The following SGCD variants were observed in gnomAD, a reference collection of about 807,000 sequenced individuals.
SGCD encodes the protein delta-sarcoglycan.
Under a neutral mutation model 36.6 loss-of-function variants are expected in SGCD, and 18 were observed. The ratio of observed to expected loss-of-function variants is 0.49; its 90% confidence interval spans 0.34 to 0.73. SGCD has a LOEUF of 0.73. SGCD is among the 30% of genes least tolerant of loss of function. SGCD has a pLI of 0.01. For missense variants in SGCD, 387 were observed against 346.7 expected (o/e 1.12, Z -0.92); for synonymous variants, 133 against 130.6 (o/e 1.02, Z -0.12).
At chr5:155,964,374 C>T (rs1757858462) in intron 1 of SGCD, among the ~76,000 whole-genome samples, 1 of 152,058 alleles carries the variant, frequency 6.6e-6, no homozygotes, top group Non-Finnish European at 1.5e-5. Flanking sequence ...GAGTCTCACT[C>T]TGTCACCCAG....
At chr5:156,165,477 C>T (rs898564908) in intron 3 of SGCD, among the ~76,000 whole-genome samples, 27 of 152,092 alleles carry the variant, frequency 1.8e-4, no homozygotes, top group African/African-American at 6.5e-4. Context: ...TACTTTTTTA[C>T]CTGATTTTAG....
At chr5:156,056,655 A>AAAAAACAAAAAAC (rs542866125) in intron 1 of SGCD, among the ~76,000 whole-genome samples, 12,358 of 136,516 alleles carry the variant, frequency 0.091, 2,396 homozygotes, top group African/African-American at 0.3. Context: ...TAAAAAAAAA[A>AAAAAACAAAAAAC]AAAAAAAAAA....
chr5:155,744,594 A>G, the SGCD span, among the ~76,000 whole-genome samples: 3 of 152,224 alleles, frequency 2.0e-5, no homozygotes, highest in South Asian at 6.2e-4. Flanking sequence ...GAACTTTTTG[A>G]AAGACAGTAT....
intron 1 of SGCD, among the ~76,000 whole-genome samples, chr5:156,037,022 C>G (rs933106048): frequency 2.0e-5 from 3 of 151,996 alleles, no homozygotes; most frequent in Admixed American, 1.3e-4. Context: ...TCTCAGTGTC[C>G]CCATGGTTTT....
At chr5:156,230,984 A>T (rs1765000694) in intron 3 of SGCD, among the ~76,000 whole-genome samples, 1 of 152,150 alleles carries the variant, frequency 6.6e-6, no homozygotes, top group Admixed American at 6.6e-5. Flanking sequence ...AACGTTAAGG[A>T]TACACAAAAA....
At chr5:156,411,195 C>T (rs564430239) in intron 3 of SGCD, among the ~76,000 whole-genome samples, 2 of 152,136 alleles carry the variant, frequency 1.3e-5, no homozygotes, top group Admixed American at 6.5e-5. Flanking sequence ...ATTCATAGCT[C>T]GTGAACCATC....
At chr5:156,615,074 A>G (rs1349460120) in intron 6 of SGCD, among the ~76,000 whole-genome samples, 4 of 152,226 alleles carry the variant, frequency 2.6e-5, no homozygotes, top group Admixed American at 2.6e-4. Context: ...ATGAGGCATG[A>G]TGTAGTTTAG....
rs567579379 is a variant in SGCD at position 156,431,361 on chromosome 5, GA to G, written c.193-77239del. On this transcript the variant is annotated intron_variant, in intron 3 of 8. Transcript: ENST00000337851. ...CTCCTGTGGGGTTGCCCTCATCCTG[GA>G]TTGTTCCAGGAAGGCTGTCTGTAGG... Among the ~76,000 whole-genome samples, 28 of 152,248 alleles carry G rather than the reference GA, an allele frequency of 1.8e-4. 1 individual carries two copies. In the East Asian group the frequency reaches 5.0e-3, roughly 27 times the overall value.
intron 1 of SGCD, among the ~76,000 whole-genome samples, chr5:156,028,193 C>T (rs1295122532): frequency 6.6e-6 from 1 of 152,168 alleles, no homozygotes; most frequent in Admixed American, 6.6e-5. Flanking sequence ...GGTTCAGTGA[C>T]TATCATTGTT....
At chr5:156,633,171 G>A (rs1340283092) in intron 6 of SGCD, among the ~76,000 whole-genome samples, 1 of 152,188 alleles carries the variant, frequency 6.6e-6, no homozygotes, top group Non-Finnish European at 1.5e-5. Flanking sequence ...TTAAAAGTGT[G>A]AAGTCAGGGA....
chr5:156,083,090 C>A (rs1161961218), intron 1 of SGCD, among the ~76,000 whole-genome samples: 1 of 151,956 alleles, frequency 6.6e-6, no homozygotes, highest in Admixed American at 6.6e-5. Context: ...CTGTTTATGT[C>A]TTTTGCCCAT....
chr5:156,540,585 A>G (rs1321201980), intron 4 of SGCD, among the ~76,000 whole-genome samples: 1 of 152,164 alleles, frequency 6.6e-6, no homozygotes, highest in Non-Finnish European at 1.5e-5. Flanking sequence ...TGGGCCTTAA[A>G]TGCTTCTGAG....
At chr5:155,860,747 G>C in the SGCD span, among the ~76,000 whole-genome samples, 1 of 152,284 alleles carries the variant, frequency 6.6e-6, no homozygotes. Context: ...AGGCTCTCAA[G>C]AGATTCACTT....
At chr5:155,822,051 A>G in the SGCD span, among the ~76,000 whole-genome samples, 1 of 152,212 alleles carries the variant, frequency 6.6e-6, no homozygotes, top group Non-Finnish European at 1.5e-5. Context: ...TTTATTTTAC[A>G]GGAACTGAGC....
chr5:155,769,410 G>A, the SGCD span, among the ~76,000 whole-genome samples: 12 of 150,936 alleles, frequency 8.0e-5, no homozygotes, highest in Admixed American at 2.7e-4. Context: ...CCAAAAAACC[G>A]GAGGCATATT....
chr5:155,917,422 G>C (rs1756770106), intron 1 of SGCD, among the ~76,000 whole-genome samples: 2 of 152,166 alleles, frequency 1.3e-5, no homozygotes, highest in African/African-American at 4.8e-5. Flanking sequence ...CTGGCCTGTA[G>C]TAAGTAATTG....
At chr5:155,947,799 T>G (rs576832346) in intron 1 of SGCD, among the ~76,000 whole-genome samples, 1 of 152,266 alleles carries the variant, frequency 6.6e-6, no homozygotes, top group South Asian at 2.1e-4. Flanking sequence ...GTAGTCACTC[T>G]GATTTAGTGA....
chr5:156,067,675 C>G (rs959802817), intron 1 of SGCD, among the ~76,000 whole-genome samples: 1 of 118,290 alleles, frequency 8.5e-6, no homozygotes, highest in South Asian at 2.4e-4. Flanking sequence ...CTGAAAAGCG[C>G]AATATTCGGG....
At chr5:156,503,171 G>A (rs1756529324) in intron 3 of SGCD, among the ~76,000 whole-genome samples, 1 of 152,150 alleles carries the variant, frequency 6.6e-6, no homozygotes, top group Non-Finnish European at 1.5e-5. Context: ...GGTCGTTTCT[G>A]TACCTCCTTC....
Sources: gnomAD v4.1 joint callset for allele counts (sites outside exome capture counted in the v4.1 genomes callset) on GRCh38, gnomAD v4.1.1 for gene constraint, MANE v1.5 for transcripts, NCBI Gene and HGNC (gene_info 2026-07-23, HGNC 2026-07-21) for gene names.